HEATR1: variants seen among roughly 807,000 people sequenced by gnomAD.
HEATR1 encodes HEAT repeat-containing protein 1.
Under a neutral mutation model 248.2 loss-of-function variants are expected in HEATR1, and 77 were observed. That is an observed-to-expected ratio of 0.31 (90% confidence interval 0.26 to 0.37). The LOEUF (loss-of-function observed/expected upper bound fraction) is 0.37. Among genes scored for constraint, HEATR1 ranks in the 10% least tolerant of loss-of-function variants. HEATR1 has a pLI of 1.00. For missense variants in HEATR1, 2,420 were observed against 2,504.9 expected, an observed-to-expected ratio of 0.97 and a Z score of 0.72; for synonymous variants, 897 against 923.1, an observed-to-expected ratio of 0.97 and a Z score of 0.51.
chr1:236,558,254 G>A lies in HEATR1; in HGVS notation c.5187C>T (p.Ala1729=), dbSNP rs1400461760. The part of the protein sequence containing the change: ...AEVTSTLEAL[A]IPQLPSLMPS... Reference sequence around the variant, plus strand: ...CCGCATACCTGGGAAGCTGGGGGATGGCCAGCGCCTCCAGGGTGGAGGTCA... The same window carrying A: ...CCGCATACCTGGGAAGCTGGGGGATAGCCAGCGCCTCCAGGGTGGAGGTCA... The change falls in exon 36 of 45, where the codon GCC becomes GCT. Residue 1729 remains alanine (A), a synonymous_variant. Coordinates refer to ENST00000366582, the MANE Select transcript of HEATR1 (RefSeq NM_018072.6). 6.2e-7 allele frequency: 1 copy of A among 1,612,332 alleles called. No individual in the cohort carries two copies. The highest frequency in any genetic ancestry group is 8.5e-7 in the Non-Finnish European group (1 of 1,179,142).
Position 236,585,054 on chromosome 1 carries a change from T to C in HEATR1, c.2212A>G (p.Lys738Glu). The C allele has an allele frequency of 1.1e-5, 18 of 1,613,344 alleles. No individual in the cohort carries two copies. The highest frequency in any genetic ancestry group is 2.2e-5 in the East Asian group (1 of 44,864). ...RVFSLLQKKI[K>E]KLESVITAVE... ...GCAGTAATGACACTTTCAAGCTTCT[T>C]TATTTTTTTCTGCAACAAACTGAAG... The change falls in exon 17 of 45, where the codon AAG becomes GAG. Residue 738 changes from lysine (K) to glutamate (E), a missense_variant. By Grantham distance (56) the Lys-to-Glu change is moderately conservative. Coordinates refer to ENST00000366582, the MANE Select transcript of HEATR1 (RefSeq NM_018072.6).
At chr1:236,565,492 G>A (rs2564745) in intron 31 of HEATR1, among the ~76,000 whole-genome samples, 71,311 of 151,886 alleles carry the variant, frequency 0.47, 20,874 homozygotes, top group Non-Finnish European at 0.64. Context: ...GTGGTGCTGC[G>A]GTTCGTGGGA....
chr1:236,571,746 C>T, intron 26 of HEATR1, 60 bp from the exon 27 acceptor site: 1 of 1,175,890 alleles, frequency 8.5e-7, no homozygotes, highest in Non-Finnish European at 1.3e-6. Flanking sequence ...TTCATTGTTA[C>T]ATTAATGGCC....
Position 236,571,658 on chromosome 1 carries a change from C to G in HEATR1, c.3736G>C (p.Gly1246Arg). ...RCLEPLPQEQ[G>R]NMEYTKQLIL... ...AATTGTTTGGTGTATTCCATATTTC[C>G]CTGCTCTTGTGGCAAGGGTTCTAAA... Residue 1246 changes from glycine to arginine, a missense_variant, in exon 27 of 45, where the codon GGA becomes CGA. By Grantham distance (125) the Gly-to-Arg change is moderately radical (BLOSUM62 -2). Coordinates refer to ENST00000366582, the MANE Select transcript of HEATR1 (RefSeq NM_018072.6). 3.1e-6 allele frequency: 5 copies of G among 1,613,860 alleles called. No homozygotes were observed. The highest frequency in any genetic ancestry group is 4.2e-6 in the Non-Finnish European group (5 of 1,179,854).
At chr1:236,553,845 A>C in intron 42 of HEATR1, 106 bp from the exon 43 acceptor site, 1 of 1,238,920 alleles carries the variant, frequency 8.1e-7, no homozygotes, top group Non-Finnish European at 1.1e-6. Context: ...TGATATTAGC[A>C]GGTTCAAAAA....
chr1:236,587,482 T>C lies in HEATR1; in HGVS notation c.1635A>G (p.Lys545=). 1 of 1,498,724 alleles carries C rather than the reference T, an allele frequency of 6.7e-7. No homozygotes were observed. Among genetic ancestry groups the C allele is most frequent in the Non-Finnish European group, 9.0e-7 (1 of 1,112,018 alleles). 92.8% of individuals were successfully genotyped at this position (1,498,724 alleles called of 1,614,324 possible). ...LSAISAFEIF[K]EHFSSEVTIS... ...TCGTCACTTCTGAACTGAAGTGTTC[T>C]TTGAAAATCTAAAGGGAAAAAAATA... is the stretch of plus-strand genomic sequence containing the variant. Residue 545 remains lysine, a synonymous_variant, in exon 14 of 45, where the codon AAA becomes AAG. Transcript: ENST00000366582.
At chr1:236,587,803 A>C in intron 13 of HEATR1, 145 bp downstream of exon 13, 1 of 533,016 alleles carries the variant, frequency 1.9e-6, no homozygotes, top group Non-Finnish European at 3.3e-6. Flanking sequence ...TCTCCTAACC[A>C]GACTTAAGTC....
chr1:236,590,818 A>G (rs757919495), intron 12 of HEATR1, 29 bp downstream of exon 12: 2 of 1,229,358 alleles, frequency 1.6e-6, no homozygotes, highest in Non-Finnish European at 2.2e-6. Flanking sequence ...AGAAAAAAAA[A>G]CCATATAAAA....
At chr1:236,594,289 G>C (rs1406443581) in intron 8 of HEATR1, among the ~76,000 whole-genome samples, 175 bp from the exon 9 acceptor site, 1 of 152,090 alleles carries the variant, frequency 6.6e-6, no homozygotes, top group East Asian at 1.9e-4. Context: ...ATTTTTTAAA[G>C]CTCTTTTGTA....
At chr1:236,572,908 G>A in intron 24 of HEATR1, 80 bp from the exon 25 acceptor site, 1 of 1,262,044 alleles carries the variant, frequency 7.9e-7, no homozygotes, top group Non-Finnish European at 1.1e-6. Context: ...CCCCTAGGAA[G>A]GATTTATTCA....
intron 8 of HEATR1, among the ~76,000 whole-genome samples, chr1:236,594,904 T>C (rs1055532966): frequency 6.6e-6 from 1 of 152,116 alleles, no homozygotes; most frequent in Admixed American, 6.5e-5. Flanking sequence ...ACTCAGGTGA[T>C]CCTCCCACCT....
chr1:236,590,774 C>T, intron 12 of HEATR1, 73 bp downstream of exon 12: 1 of 685,074 alleles, frequency 1.5e-6, no homozygotes, highest in Non-Finnish European at 2.2e-6. Flanking sequence ...GTGGTAACTT[C>T]AATTTCTTAT....
At chr1:236,589,259 T>C (rs959550879) in intron 12 of HEATR1, among the ~76,000 whole-genome samples, 1 of 152,200 alleles carries the variant, frequency 6.6e-6, no homozygotes, top group Non-Finnish European at 1.5e-5. Flanking sequence ...AATCCTCCTA[T>C]CACAACAAAG....
intron 24 of HEATR1, 138 bp from the exon 25 acceptor site, chr1:236,572,966 A>C: frequency 1.3e-6 from 1 of 751,868 alleles, no homozygotes; most frequent in South Asian, 1.7e-5. Context: ...AACCCCCCCC[A>C]GCATTGGATG....
At position 236,559,750 on chromosome 1, in the gene HEATR1, G is replaced by C. The variant is rs769053413; in HGVS notation, c.4734C>G (p.Arg1578=). Residue 1578 remains arginine (R), a synonymous_variant, in exon 34 of 45, where the codon CGC becomes CGG. Coordinates refer to ENST00000366582, the MANE Select transcript of HEATR1 (RefSeq NM_018072.6). Reference sequence around the variant, plus strand: ...GGTCGTAAGCTTTACTAAGGAGCGCGCGCCAGAACTTCACGGTGAGTTTGT... The same window carrying C: ...GGTCGTAAGCTTTACTAAGGAGCGCCCGCCAGAACTTCACGGTGAGTTTGT... The part of the protein sequence containing the change: ...NADKLTVKFW[R]ALLSKAYDLL... 6.2e-7 allele frequency: 1 copy of C among 1,613,906 alleles called. No individual in the cohort carries two copies. Among genetic ancestry groups the C allele is most frequent in the Admixed American group, 1.7e-5 (1 of 60,008 alleles).
At chr1:236,555,685 T>A in intron 39 of HEATR1, 30 bp from the exon 40 acceptor site, 1 of 1,609,426 alleles carries the variant, frequency 6.2e-7, no homozygotes, top group Non-Finnish European at 8.5e-7. Flanking sequence ...TTTATTAGAG[T>A]GCTGATACCT....
intron 3 of HEATR1, chr1:236,602,740 C>G: frequency 6.0e-6 from 1 of 167,960 alleles, no homozygotes; most frequent in Non-Finnish European, 1.3e-5. Flanking sequence ...GCCTGGCTAA[C>G]ACGGTGAAAC....
Position 236,558,985 on chromosome 1 carries a change from C to A in HEATR1, c.4911+10G>T. On this transcript the variant is annotated intron_variant, in intron 35 of 44. Transcript: ENST00000366582. Reference sequence around the variant, plus strand: ...TACAGTAAATGGGTGTGTCCTGGGTCTTCACTCACTATTGTCTTCTTCCAG... The same window carrying A: ...TACAGTAAATGGGTGTGTCCTGGGTATTCACTCACTATTGTCTTCTTCCAG... 1 of 1,594,126 alleles carries A rather than the reference C, an allele frequency of 6.3e-7. No individual in the cohort carries two copies. Among genetic ancestry groups the A allele is most frequent in the Non-Finnish European group, 8.5e-7 (1 of 1,172,216 alleles).
chr1:236,576,406 A>C, intron 21 of HEATR1, 29 bp from the exon 22 acceptor site: 3 of 1,509,294 alleles, frequency 2.0e-6, no homozygotes, highest in Non-Finnish European at 2.7e-6. Context: ...AATTGGATAA[A>C]AAAGGGTTAA....
Sources: allele counts gnomAD v4.1 joint callset (sites outside exome capture counted in the v4.1 genomes callset), GRCh38; gene constraint gnomAD v4.1.1; transcripts MANE v1.5; gene names NCBI Gene and HGNC (gene_info 2026-07-23, HGNC 2026-07-21).